EPG5: variants seen among roughly 807,000 people sequenced by gnomAD.
The protein encoded by EPG5 is ectopic P-granules 5 autophagy tethering factor.
EPG5 carries 159 observed loss-of-function variants against 302.7 expected under a neutral mutation model. The ratio of observed to expected loss-of-function variants is 0.53; its 90% CI spans 0.46 to 0.60. EPG5 has a LOEUF of 0.60. EPG5 is among the 20% of genes least tolerant of loss of function. The pLI is 0.00. For missense variants in EPG5, 2,896 were observed against 3,092.4 expected (o/e 0.94, Z 1.51); for synonymous variants, 1,158 against 1,136.8 (o/e 1.02, Z -0.37).
the EPG5 span, among the ~76,000 whole-genome samples, chr18:45,806,491 G>A: frequency 9.1e-3 from 1,387 of 152,204 alleles, 23 homozygotes; most frequent in African/African-American, 0.032. Flanking sequence ...AGATTGCCTG[G>A]GAGACACAAC....
chr18:45,821,530 C>G, the EPG5 span, among the ~76,000 whole-genome samples: 2 of 152,118 alleles, frequency 1.3e-5, no homozygotes, highest in African/African-American at 4.8e-5. Context: ...GGAAACATTT[C>G]AAGACATACA....
the EPG5 span, among the ~76,000 whole-genome samples, chr18:45,802,763 G>T: frequency 6.6e-6 from 1 of 152,188 alleles, no homozygotes; most frequent in South Asian, 2.1e-4. Context: ...CACATCCTAG[G>T]ATCTCATGCT....
Position 45,861,693 on chromosome 18 carries a change from C to G in EPG5, c.6767-1347G>C, listed in dbSNP as rs577413249. ...TAGATATTATCTCACTCAATACTTACAATATCTACATGAAACAGGTATGAC... is the reference window on the plus strand; with the variant it reads ...TAGATATTATCTCACTCAATACTTAGAATATCTACATGAAACAGGTATGAC... On this transcript the variant is annotated intron_variant, in intron 39 of 43. Transcript: ENST00000282041. Among the ~76,000 whole-genome samples, 15 of 152,346 alleles carry G rather than the reference C, an allele frequency of 9.8e-5. No individual in the cohort carries two copies. In the South Asian group the frequency reaches 2.7e-3, roughly 27 times the overall value.
intron 27 of EPG5, among the ~76,000 whole-genome samples, chr18:45,894,888 A>G (rs2049436932): frequency 6.6e-6 from 1 of 152,242 alleles, no homozygotes; most frequent in Admixed American, 6.5e-5. Flanking sequence ...TGCCAAGTAA[A>G]TATGGGTTTT....
At chr18:45,948,954 T>C (rs560444092) in intron 5 of EPG5, among the ~76,000 whole-genome samples, 5 of 152,298 alleles carry the variant, frequency 3.3e-5, no homozygotes, top group African/African-American at 9.6e-5. Flanking sequence ...TTGGCAAACA[T>C]TTTGGCTCCT....
In EPG5 at chr18:45,879,168, C is replaced by T. The variant is rs1176388681; in HGVS notation, c.5714G>A (p.Arg1905Gln). The T allele has an allele frequency of 6.2e-7, 1 of 1,613,620 alleles. No individual in the cohort carries two copies. The highest frequency in any genetic ancestry group is 1.3e-5 in the African/African-American group (1 of 74,830). The part of the protein sequence containing the change: ...QWLSDFFYKL[R>Q]LSKMDFKSFG... Reference sequence around the variant, plus strand: ...GCTTTTAAAGTCCATCTTGGATAACCGAAGCTTATAAAAAAAGTCTGAAAG... The same window carrying T: ...GCTTTTAAAGTCCATCTTGGATAACTGAAGCTTATAAAAAAAGTCTGAAAG... The change falls in exon 33 of 44, where the codon CGG (arginine) becomes CAG (glutamine). Residue 1905 changes from arginine to glutamine, a missense_variant. Coordinates refer to ENST00000282041, the MANE Select transcript of EPG5 (RefSeq NM_020964.3).
At chr18:45,886,965 A>G (rs557424782) in intron 29 of EPG5, among the ~76,000 whole-genome samples, 1 of 152,120 alleles carries the variant, frequency 6.6e-6, no homozygotes, top group Non-Finnish European at 1.5e-5. Context: ...ACCAGCACAC[A>G]TTAATTTTAT....
chr18:45,914,678 G>T (rs756032859), intron 20 of EPG5, among the ~76,000 whole-genome samples: 1 of 152,190 alleles, frequency 6.6e-6, no homozygotes, highest in Admixed American at 6.5e-5. Flanking sequence ...GCTAACAAAC[G>T]GCAGAAACCA....
rs1318299870 is a variant in EPG5 at position 45,952,638 on chromosome 18, G to A, written c.1014C>T (p.Ile338=). Residue 338 remains isoleucine (I), a synonymous_variant, in exon 3 of 44, where the codon ATC becomes ATT. Transcript: ENST00000282041. ...FKEEQMSVQG[I]CADQVKVFSY... ...TGAAAACTTTCACTTGATCTGCACAGATACCCTACCAGAGGACAAAAAGGT... is the reference window on the plus strand; with the variant it reads ...TGAAAACTTTCACTTGATCTGCACAAATACCCTACCAGAGGACAAAAAGGT... 15 of 1,613,824 alleles carry A rather than the reference G, an allele frequency of 9.3e-6. No individual in the cohort carries two copies. In the South Asian group the frequency reaches 1.5e-4, roughly 17 times the overall value.
chr18:45,952,677 A>C, intron 2 of EPG5, 34 bp from the exon 3 acceptor site: 1 of 1,606,364 alleles, frequency 6.2e-7, no homozygotes, highest in Non-Finnish European at 8.5e-7. Context: ...ATATGAAACC[A>C]GTTACTCTTT....
chr18:45,818,181 C>T, the EPG5 span, among the ~76,000 whole-genome samples: 1 of 152,048 alleles, frequency 6.6e-6, no homozygotes, highest in African/African-American at 2.4e-5. Flanking sequence ...AAATACTTGA[C>T]CAGTCCCTGC....
chr18:45,860,445 C>A, intron 39 of EPG5, 99 bp from the exon 40 acceptor site: 1 of 1,457,136 alleles, frequency 6.9e-7, no homozygotes, highest in Non-Finnish European at 9.5e-7. Context: ...GTTCTCCAGG[C>A]AGATTTTACA....
chr18:45,963,143 G>C (rs762778534), intron 1 of EPG5, among the ~76,000 whole-genome samples: 12 of 152,190 alleles, frequency 7.9e-5, no homozygotes, highest in South Asian at 6.2e-4. Context: ...AAATCTAAGG[G>C]AGAAGAGAAA....
At chr18:45,944,156 G>C in intron 7 of EPG5, 37 bp from the exon 8 acceptor site, 1 of 1,308,526 alleles carries the variant, frequency 7.6e-7, no homozygotes. Flanking sequence ...CAGCAGATTT[G>C]ATCAGATCAC....
intron 43 of EPG5, among the ~76,000 whole-genome samples, chr18:45,853,369 G>C (rs1422482152): frequency 2.6e-5 from 4 of 152,224 alleles, no homozygotes; most frequent in Non-Finnish European, 5.9e-5. Flanking sequence ...TTTGACTCCA[G>C]AATTTTGATT....
In EPG5 at chr18:45,896,357, G is replaced by A. The variant is rs552354028; in HGVS notation, c.4809+3047C>T. Among the ~76,000 whole-genome samples the A allele has an allele frequency of 1.9e-4, 29 of 152,310 alleles. No homozygotes were observed. The South Asian group carries it at 5.8e-3, about 30-fold the overall frequency. ...GTGGGACTAAAAGTCAGGGCACTAA[G>A]CAAACGAGTGAGGCCAGCAGAAAAG... On this transcript the variant is annotated intron_variant, in intron 27 of 43. Coordinates refer to ENST00000282041, the MANE Select transcript of EPG5 (RefSeq NM_020964.3).
chr18:45,875,898 T>C lies in EPG5; in HGVS notation c.6049+338A>G, dbSNP rs563291083. On this transcript the variant is annotated intron_variant, in intron 35 of 43. Transcript: ENST00000282041. The stretch of plus-strand genomic sequence containing the variant: ...GGTGAAACCCCGTCTCTACTAAAAC[T>C]ACAAAAAAATTAGCCAGGTGTGGCG... Among the ~76,000 whole-genome samples, 23 of 151,972 alleles carry C rather than the reference T, an allele frequency of 1.5e-4. No individual in the cohort carries two copies. In the South Asian group the frequency reaches 4.4e-3, roughly 29 times the overall value.
At chr18:45,819,374 CTCTT>C in the EPG5 span, among the ~76,000 whole-genome samples, 3 of 152,110 alleles carry the variant, frequency 2.0e-5, no homozygotes, top group African/African-American at 4.8e-5. Context: ...TTTATAAACT[CTCTT>C]TGTTTCATTG....
rs528778673 is a variant in EPG5, at chr18:45,947,775, C to CT, written c.1571+727dup. 5.7e-3 allele frequency among the ~76,000 whole-genome samples: 843 copies of CT among 148,164 alleles called. 3 individuals carry two copies. Among genetic ancestry groups the CT allele is most frequent in the Non-Finnish European group, 8.3e-3 (550 of 66,636 alleles). ...TTCTCCTACTGAAATCTAATCCATT[C>CT]TTTTTTTTTTTCTTTCAGTTGGAAT... is the stretch of plus-strand genomic sequence containing the variant. On this transcript the variant is annotated intron_variant, in intron 6 of 43. Coordinates refer to ENST00000282041, the MANE Select transcript of EPG5 (RefSeq NM_020964.3).
Sources: allele counts gnomAD v4.1 joint callset (sites outside exome capture counted in the v4.1 genomes callset), GRCh38; gene constraint gnomAD v4.1.1; transcripts MANE v1.5; gene names NCBI Gene and HGNC (gene_info 2026-07-23, HGNC 2026-07-21).